ZMIZ1: variants seen among roughly 807,000 people sequenced by gnomAD.
ZMIZ1 encodes the protein zinc finger MIZ-type containing 1.
In ZMIZ1, 17 loss-of-function variants were observed where a neutral mutation model predicts 113.9. The ratio of observed to expected loss-of-function variants is 0.15; its 90% confidence interval spans 0.10 to 0.22. The LOEUF is 0.22. Ranked by LOEUF, ZMIZ1 falls within the 10% of genes least tolerant of loss-of-function variation. The probability of loss-of-function intolerance (pLI) is 1.00; values close to 1 mark genes in which losing one functional copy is unlikely to be tolerated. For synonymous variants in ZMIZ1, 607 were observed against 603.1 expected (o/e 1.01, Z -0.09); for missense variants, 1,059 against 1,477.8 (o/e 0.72, Z 4.65).
chr10:79,137,483 C>T (rs1845055174), intron 2 of ZMIZ1, among the ~76,000 whole-genome samples: 1 of 152,224 alleles, frequency 6.6e-6, no homozygotes, highest in African/African-American at 2.4e-5. Flanking sequence ...CCAGGCCCCT[C>T]TCCCTTCCCA....
chr10:79,257,920 C>G (rs1252465316), intron 7 of ZMIZ1, among the ~76,000 whole-genome samples: 1 of 152,210 alleles, frequency 6.6e-6, no homozygotes, highest in Non-Finnish European at 1.5e-5. Flanking sequence ...GAAGGGACCT[C>G]GCTTTTGTTG....
intron 2 of ZMIZ1, among the ~76,000 whole-genome samples, chr10:79,131,467 T>G (rs939926907): frequency 6.6e-6 from 1 of 152,208 alleles, no homozygotes; most frequent in Non-Finnish European, 1.5e-5. Context: ...ACCCCCACAG[T>G]TCTCTGTTAA....
At chr10:79,274,571 G>A (rs1036693277) in intron 7 of ZMIZ1, among the ~76,000 whole-genome samples, 1 of 152,226 alleles carries the variant, frequency 6.6e-6, no homozygotes, top group Non-Finnish European at 1.5e-5. Context: ...ACTTGTGTTG[G>A]TTTGCACCAT....
intron 2 of ZMIZ1, among the ~76,000 whole-genome samples, chr10:79,120,863 G>A (rs1172473941): frequency 6.6e-6 from 1 of 152,188 alleles, no homozygotes. Context: ...CTCCACCAAG[G>A]TGGTGGGGTC....
intron 23 of ZMIZ1, among the ~76,000 whole-genome samples, chr10:79,309,527 G>A (rs1422686009): frequency 2.0e-5 from 3 of 152,226 alleles, no homozygotes; most frequent in South Asian, 2.1e-4. Context: ...TTGCGAGGTC[G>A]TCTCATTCTT....
chr10:79,176,107 G>A (rs1846853473), intron 4 of ZMIZ1, among the ~76,000 whole-genome samples: 4 of 151,988 alleles, frequency 2.6e-5, no homozygotes, highest in Non-Finnish European at 2.9e-5. Flanking sequence ...ATGGAGGGAG[G>A]GGATGGGGCA....
At chr10:79,169,238 A>G (rs1349276236) in intron 4 of ZMIZ1, among the ~76,000 whole-genome samples, 1 of 152,142 alleles carries the variant, frequency 6.6e-6, no homozygotes, top group Non-Finnish European at 1.5e-5. Flanking sequence ...CCTCACCCAG[A>G]CTTCCCGTCA....
At chr10:79,071,985 G>A (rs1460415142) in intron 1 of ZMIZ1, among the ~76,000 whole-genome samples, 1 of 151,884 alleles carries the variant, frequency 6.6e-6, no homozygotes, top group African/African-American at 2.4e-5. Context: ...GCTGGGTGGG[G>A]GGAGGAGAAG....
At chr10:79,294,124 G>A (rs183383153) in intron 12 of ZMIZ1, 4 of 207,454 alleles carry the variant, frequency 1.9e-5, no homozygotes, top group Admixed American at 1.5e-4. Context: ...GGCAGGCAGC[G>A]TGTTTCCAGT....
At chr10:79,277,131 G>A in intron 7 of ZMIZ1, 50 bp from the exon 8 acceptor site, 1 of 1,460,040 alleles carries the variant, frequency 6.8e-7, no homozygotes, top group Non-Finnish European at 9.0e-7. Flanking sequence ...GTCTTGGTGT[G>A]GCAGAGCATG....
Position 79,296,550 on chromosome 10 carries a change from C to T in ZMIZ1, c.1310C>T (p.Pro437Leu), listed in dbSNP as rs138149224. 5 of 1,613,362 alleles carry T rather than the reference C, an allele frequency of 3.1e-6. No homozygotes were observed. The highest frequency in any genetic ancestry group is 1.3e-5 in the African/African-American group (1 of 74,890). ...QPGQYPAPNP[P>L]RPLTSPNYPG... ...GGCCAGTACCCAGCCCCCAACCCCC[C>T]GAGGCCACTCACCTCCCCCAACTAC... The change falls in exon 13 of 25, where the codon CCG becomes CTG. Residue 437 changes from proline to leucine, a missense_variant. Transcript: ENST00000334512. The surrounding 1 kb of genome is among the most constrained non-coding windows in gnomAD (Gnocchi z 4.1).
At chr10:79,298,726 C>T (rs973659462) in intron 15 of ZMIZ1, 146 bp downstream of exon 15, 3 of 811,656 alleles carry the variant, frequency 3.7e-6, no homozygotes, top group Non-Finnish European at 5.6e-6. Flanking sequence ...GGGGCACACT[C>T]AAGGCGGGGT....
At chr10:79,220,600 T>A (rs1848926011) in intron 7 of ZMIZ1, among the ~76,000 whole-genome samples, 2 of 152,336 alleles carry the variant, frequency 1.3e-5, no homozygotes, top group South Asian at 4.1e-4. Flanking sequence ...TGTGCAGTTC[T>A]GCCCTCCCAG....
intron 4 of ZMIZ1, among the ~76,000 whole-genome samples, chr10:79,196,273 C>T (rs4980044): frequency 0.19 from 29,175 of 152,146 alleles, 3,150 homozygotes; most frequent in South Asian, 0.32. Context: ...TCCCTCCTGC[C>T]ATCCATCTAC....
chr10:79,292,990 G>A, intron 11 of ZMIZ1: 1 of 439,622 alleles, frequency 2.3e-6, no homozygotes, highest in Admixed American at 2.8e-5. Context: ...CCAGGAAAGG[G>A]GCTGCAGTCT....
At chr10:79,274,761 T>G (rs1243580333) in intron 7 of ZMIZ1, among the ~76,000 whole-genome samples, 1 of 152,220 alleles carries the variant, frequency 6.6e-6, no homozygotes, top group Admixed American at 6.5e-5. Flanking sequence ...CATGCCAGAC[T>G]GTACAGCAAG....
rs991004999 is a variant in ZMIZ1, at chr10:79,315,942, C to G, written c.*3193C>G. The G allele has an allele frequency of 2.6e-5, 4 of 152,596 alleles. No individual in the cohort carries two copies. The highest frequency in any genetic ancestry group is 2.0e-4 in the Admixed American group (3 of 15,278). The allele number at this position is 152,596 out of a possible 1,614,324, so 9.5% of individuals were successfully genotyped here. ...ATTTGTGAGTTCTCCACGTCTGTCT[C>G]TCTCGCTCATGTAATATACTCTGAC... On this transcript the variant is annotated 3_prime_UTR_variant, in exon 25 of 25. Transcript: ENST00000334512.
At chr10:79,274,065 C>T (rs1442384098) in intron 7 of ZMIZ1, among the ~76,000 whole-genome samples, 1 of 151,664 alleles carries the variant, frequency 6.6e-6, no homozygotes, top group Non-Finnish European at 1.5e-5. Flanking sequence ...GCCTTTGGGG[C>T]CAGCTCTCTT....
In ZMIZ1 at chr10:79,291,143, C is replaced by G. The variant is rs370924242; in HGVS notation, c.725C>G (p.Pro242Arg). 1.2e-6 allele frequency: 2 copies of G among 1,612,232 alleles called. No homozygotes were observed. Among genetic ancestry groups the G allele is most frequent in the Non-Finnish European group, 1.7e-6 (2 of 1,178,688 alleles). ...PYIQQSMYGR[P>R]NYPGSGGFGA... ...ATCCAGCAGAGCATGTATGGCCGGC[C>G]CAACTACCCCGGCAGCGGGGGCTTT... Residue 242 changes from proline (P) to arginine (R), a missense_variant, in exon 10 of 25, where the codon CCC becomes CGC. This residue lies in a region of ZMIZ1 where 272 missense variants were observed against 350.4 expected (regional missense o/e 0.78). Coordinates refer to ENST00000334512, the MANE Select transcript of ZMIZ1 (RefSeq NM_020338.4).
Sources: gnomAD v4.1 joint callset for allele counts (sites outside exome capture counted in the v4.1 genomes callset) on GRCh38, gnomAD v4.1.1 for gene constraint, gnomAD v4.1.1 regional missense constraint, Gnocchi (gnomAD v3.1) non-coding constraint, MANE v1.5 for transcripts, NCBI Gene and HGNC (gene_info 2026-07-23, HGNC 2026-07-21) for gene names.